The following MYO9A variants were observed in gnomAD, a reference collection of about 807,000 sequenced individuals.
MYO9A encodes the protein myosin IXA, also known as unconventional myosin-IXa.
MYO9A carries 103 observed loss-of-function variants against 293.3 expected under a neutral mutation model. That is an observed-to-expected ratio of 0.35 (90% CI 0.30 to 0.41). MYO9A has a LOEUF of 0.41. Among genes scored for constraint, MYO9A ranks in the 10% least tolerant of loss-of-function variants. The pLI is 1.00. For missense variants in MYO9A, 2,685 were observed against 3,033.0 expected (o/e 0.89, Z 2.69); for synonymous variants, 1,001 against 1,035.7 (o/e 0.97, Z 0.64).
intron 26 of MYO9A, chr15:71,890,487 A>G (rs1408930527): frequency 6.6e-6 from 1 of 152,182 alleles, no homozygotes; most frequent in African/African-American, 2.4e-5. Context: ...ACCATTCAGA[A>G]GACAGAAACT....
chr15:71,928,026 TAATA>T (rs1387481302), intron 18 of MYO9A, among the ~76,000 whole-genome samples: 2 of 31,464 alleles, frequency 6.4e-5, no homozygotes, highest in African/African-American at 1.7e-4. Flanking sequence ...AATACCTTTC[TAATA>T]TATATATATA....
At chr15:71,983,030 A>G (rs1026375075) in intron 11 of MYO9A, among the ~76,000 whole-genome samples, 2 of 152,154 alleles carry the variant, frequency 1.3e-5, no homozygotes, top group African/African-American at 4.8e-5. Flanking sequence ...ACTTATATTT[A>G]AAATGTCTCT....
chr15:71,908,380 G>T (rs1029562100), intron 19 of MYO9A, among the ~76,000 whole-genome samples: 6 of 152,128 alleles, frequency 3.9e-5, no homozygotes, highest in Non-Finnish European at 5.9e-5. Context: ...AGCCAGGATG[G>T]TCTCAATCTC....
chr15:71,831,649 C>A (rs149198917), intron 39 of MYO9A, among the ~76,000 whole-genome samples: 1 of 152,166 alleles, frequency 6.6e-6, no homozygotes, highest in Admixed American at 6.5e-5. Context: ...ATTGCTAATA[C>A]TTTAGGACCA....
At chr15:71,929,785 C>T (rs1402352222) in intron 18 of MYO9A, among the ~76,000 whole-genome samples, 1 of 152,136 alleles carries the variant, frequency 6.6e-6, no homozygotes, top group African/African-American at 2.4e-5. Context: ...TTTGGTAGAA[C>T]AATTTATTTT....
At chr15:71,941,910 C>T (rs1047484599) in intron 15 of MYO9A, among the ~76,000 whole-genome samples, 7 of 152,098 alleles carry the variant, frequency 4.6e-5, no homozygotes, top group Non-Finnish European at 8.8e-5. Flanking sequence ...ATGCCTACTT[C>T]ATGAAGTAAC....
intron 1 of MYO9A, among the ~76,000 whole-genome samples, chr15:72,102,882 A>G (rs1224262678): frequency 6.6e-6 from 1 of 152,076 alleles, no homozygotes; most frequent in Non-Finnish European, 1.5e-5. Context: ...ATTAGAAACA[A>G]GAGACAAAAT....
rs1469474793 is a variant in MYO9A, at chr15:71,862,650, A to G, written c.5980-39T>C. On this transcript the variant is annotated intron_variant, in intron 32 of 41. Transcript: ENST00000356056. ...TTTAGCTACTTATATTAAAGCCAACACAGTAAATGCTGCCCTAACGTGGTG... is the reference window on the plus strand; with the variant it reads ...TTTAGCTACTTATATTAAAGCCAACGCAGTAAATGCTGCCCTAACGTGGTG... 3.7e-6 allele frequency: 5 copies of G among 1,366,690 alleles called. No homozygotes were observed. In the African/African-American group the frequency reaches 7.2e-5, roughly 20 times the overall value. The allele number at this position is 1,366,690 out of a possible 1,614,324, so 84.7% of individuals were successfully genotyped here. A position where few individuals can be genotyped will look rare whatever the true frequency, so the allele number is the denominator to read the frequency against.
rs140578080 is a variant in MYO9A at position 71,994,507 on chromosome 15, C to G, written c.1549G>C (p.Ala517Pro). 18 of 1,610,780 alleles carry G rather than the reference C, an allele frequency of 1.1e-5. No individual in the cohort carries two copies. Among genetic ancestry groups the G allele is most frequent in the Non-Finnish European group, 1.5e-5 (18 of 1,178,804 alleles). Residue 517 changes from alanine (A) to proline (P), a missense_variant, in exon 10 of 42, where the codon GCA (alanine) becomes CCA (proline). Physicochemically the swap from Ala to Pro is conservative, Grantham distance 27. Around this residue, in one of 10 missense-constraint regions of MYO9A, gnomAD observed 201 missense variants for 245.2 expected, o/e 0.82. Transcript: ENST00000356056. ...FDWIVFRINH[A>P]LLNSKDLEHN... ...TCTAAATCTTTACTATTCAGAAGTG[C>G]ATGATTAATTCGAAAAACTATCCAG...
chr15:72,035,278 T>C (rs1206667077), intron 2 of MYO9A, among the ~76,000 whole-genome samples: 1 of 152,186 alleles, frequency 6.6e-6, no homozygotes, highest in East Asian at 1.9e-4. Context: ...TCCTGGCTAT[T>C]TACTACTGAG....
chr15:71,957,519 T>G (rs1418857127), intron 14 of MYO9A, among the ~76,000 whole-genome samples: 1 of 152,174 alleles, frequency 6.6e-6, no homozygotes, highest in Admixed American at 6.5e-5. Flanking sequence ...TTAAATCTAT[T>G]AAGTACTAGG....
At chr15:72,078,466 T>C (rs2079440169) in intron 1 of MYO9A, among the ~76,000 whole-genome samples, 3 of 152,110 alleles carry the variant, frequency 2.0e-5, no homozygotes, top group South Asian at 2.1e-4. Flanking sequence ...CACTCCAGCC[T>C]GTGGGACCCT....
At chr15:72,085,312 C>T (rs1368753469) in intron 1 of MYO9A, among the ~76,000 whole-genome samples, 1 of 151,480 alleles carries the variant, frequency 6.6e-6, no homozygotes, top group Non-Finnish European at 1.5e-5. Flanking sequence ...AGAATCGTTT[C>T]AACCCAGGAG....
At chr15:71,968,414 T>C (rs144327161) in intron 12 of MYO9A, among the ~76,000 whole-genome samples, 225 of 152,294 alleles carry the variant, frequency 1.5e-3, no homozygotes, top group African/African-American at 4.7e-3. Flanking sequence ...TTAGCTTAGA[T>C]TGCAGTGTTC....
At chr15:72,075,809 T>A (rs904403455) in intron 1 of MYO9A, among the ~76,000 whole-genome samples, 4 of 151,718 alleles carry the variant, frequency 2.6e-5, no homozygotes, top group Non-Finnish European at 5.9e-5. Flanking sequence ...AATACTAAAG[T>A]AATTTCTTCA....
intron 2 of MYO9A, among the ~76,000 whole-genome samples, chr15:72,038,225 A>C (rs530704840): frequency 6.6e-6 from 1 of 152,182 alleles, no homozygotes. Flanking sequence ...ACCTGGCCAA[A>C]ATACAGAACT....
At chr15:71,962,048 T>TA (rs1396008151) in intron 13 of MYO9A, among the ~76,000 whole-genome samples, 1 of 152,022 alleles carries the variant, frequency 6.6e-6, no homozygotes, top group African/African-American at 2.4e-5. Flanking sequence ...TAAAACTGAA[T>TA]AAGAAGGATT....
At chr15:71,842,120 C>G (rs912957797) in intron 39 of MYO9A, among the ~76,000 whole-genome samples, 1 of 150,330 alleles carries the variant, frequency 6.7e-6, no homozygotes, top group African/African-American at 2.5e-5. Context: ...CACCTGTAAT[C>G]CCACCACTTT....
At chr15:71,950,813 A>C (rs1371561255) in intron 15 of MYO9A, among the ~76,000 whole-genome samples, 1 of 152,210 alleles carries the variant, frequency 6.6e-6, no homozygotes, top group Admixed American at 6.5e-5. Context: ...TCAACCAGAA[A>C]ACTGTGAAAT....
Sources: allele counts gnomAD v4.1 joint callset (sites outside exome capture counted in the v4.1 genomes callset), GRCh38; gene constraint gnomAD v4.1.1; regional missense constraint gnomAD v4.1.1; transcripts MANE v1.5; gene names NCBI Gene and HGNC (gene_info 2026-07-23, HGNC 2026-07-21).